The following TMPRSS15 variants were observed in gnomAD, a reference collection of about 807,000 sequenced individuals.
The protein encoded by TMPRSS15 is enteropeptidase.
TMPRSS15 carries 128 observed loss-of-function variants against 125.3 expected under a neutral mutation model. The ratio of observed to expected loss-of-function variants is 1.02; its 90% CI spans 0.89 to 1.18. The LOEUF (loss-of-function observed/expected upper bound fraction) is 1.18, where lower values mean the gene tolerates loss of function less well. Ranked by LOEUF, TMPRSS15 falls within the 50% of genes most tolerant of loss-of-function variation. TMPRSS15 has a pLI of 0.00. For synonymous variants in TMPRSS15, 446 were observed against 423.2 expected (o/e 1.05, Z -0.66); for missense variants, 1,283 against 1,212.7 (o/e 1.06, Z -0.86).
intron 4 of TMPRSS15, among the ~76,000 whole-genome samples, chr21:18,379,903 A>T (rs887205000): frequency 2.0e-5 from 3 of 152,124 alleles, no homozygotes; most frequent in Non-Finnish European, 4.4e-5. Flanking sequence ...AAAAAATAAG[A>T]CTTCAAGTCT....
At position 18,326,589 on chromosome 21, in the gene TMPRSS15, C is replaced by T. The variant is rs75388779; in HGVS notation, c.1781-17G>A. On this transcript the variant is annotated splice_polypyrimidine_tract_variant and intron_variant, in intron 15 of 24. Transcript: ENST00000284885. ...TGTACACAGCTGTTCCAAAGGAAAACGAGATAATCAGTGAGATGATCCTTT... is the reference window on the plus strand; with the variant it reads ...TGTACACAGCTGTTCCAAAGGAAAATGAGATAATCAGTGAGATGATCCTTT... The T allele has an allele frequency of 0.011, 17,622 of 1,613,830 alleles. 132 individuals carry two copies. The highest frequency in any genetic ancestry group is 0.019 in the Middle Eastern group (117 of 6,058).
At chr21:18,394,764 A>G (rs371683343) in intron 3 of TMPRSS15, among the ~76,000 whole-genome samples, 14 of 152,002 alleles carry the variant, frequency 9.2e-5, no homozygotes, top group African/African-American at 3.4e-4. Flanking sequence ...TAAATGATAA[A>G]AAAGCCCCTT....
intron 7 of TMPRSS15, among the ~76,000 whole-genome samples, chr21:18,360,865 C>T (rs944970204): frequency 7.9e-5 from 12 of 151,960 alleles, no homozygotes; most frequent in East Asian, 1.9e-4. Flanking sequence ...ACATCACTTT[C>T]GGTAGTATGA....
chr21:18,277,965 G>T (rs1035160627), intron 23 of TMPRSS15, among the ~76,000 whole-genome samples: 3 of 152,140 alleles, frequency 2.0e-5, no homozygotes, highest in African/African-American at 7.2e-5. Context: ...TCAAAAAAAA[G>T]TATGATTATT....
intron 10 of TMPRSS15, among the ~76,000 whole-genome samples, chr21:18,345,926 T>C (rs1056063773): frequency 6.6e-6 from 1 of 151,662 alleles, no homozygotes; most frequent in African/African-American, 2.4e-5. Context: ...GTTTTTCACT[T>C]AGTAAGCAGT....
intron 1 of TMPRSS15, among the ~76,000 whole-genome samples, chr21:18,421,019 AT>A (rs2076191065): frequency 1.3e-5 from 2 of 152,106 alleles, no homozygotes; most frequent in South Asian, 4.1e-4. Flanking sequence ...TGTACACTAC[AT>A]TTCTAAAAAG....
At chr21:18,387,643 ACACACACG>A (rs1237897883) in intron 3 of TMPRSS15, among the ~76,000 whole-genome samples, 3 of 146,398 alleles carry the variant, frequency 2.0e-5, no homozygotes, top group African/African-American at 8.0e-5. Context: ...ACACACACAC[ACACACACG>A]CACACACACC....
chr21:18,426,395 G>A (rs2076202628), intron 1 of TMPRSS15, among the ~76,000 whole-genome samples: 1 of 152,184 alleles, frequency 6.6e-6, no homozygotes, highest in Non-Finnish European at 1.5e-5. Flanking sequence ...ACTGTGATAT[G>A]TAAGAGAAGA....
At chr21:18,443,254 G>T (rs1469779670) in intron 1 of TMPRSS15, among the ~76,000 whole-genome samples, 2 of 152,204 alleles carry the variant, frequency 1.3e-5, no homozygotes, top group African/African-American at 2.4e-5. Context: ...AGGGGCTGGT[G>T]AACACTGACT....
chr21:18,381,282 T>G (rs2075890475), intron 4 of TMPRSS15, among the ~76,000 whole-genome samples: 1 of 152,122 alleles, frequency 6.6e-6, no homozygotes, highest in African/African-American at 2.4e-5. Context: ...CTATAAAACC[T>G]ATTGAAGTTT....
chr21:18,312,916 T>C, intron 18 of TMPRSS15, 29 bp downstream of exon 18: 1 of 1,612,344 alleles, frequency 6.2e-7, no homozygotes, highest in Non-Finnish European at 8.5e-7. Flanking sequence ...TGCAAATCTC[T>C]TAAAAAGGAA....
At chr21:18,473,700 G>C (rs1316719750) in intron 1 of TMPRSS15, among the ~76,000 whole-genome samples, 1 of 151,934 alleles carries the variant, frequency 6.6e-6, no homozygotes, top group Non-Finnish European at 1.5e-5. Context: ...AGGTAAAATT[G>C]GTTGTGCAAC....
intron 10 of TMPRSS15, among the ~76,000 whole-genome samples, chr21:18,344,901 A>G (rs183585015): frequency 1.4e-4 from 21 of 152,320 alleles, no homozygotes; most frequent in African/African-American, 4.6e-4. Context: ...ATTTTTTATG[A>G]GATGATGAAA....
chr21:18,330,908 T>C (rs2075338013), intron 14 of TMPRSS15, among the ~76,000 whole-genome samples: 2 of 151,772 alleles, frequency 1.3e-5, no homozygotes, highest in African/African-American at 4.8e-5. Flanking sequence ...CCGTCTCTAC[T>C]AAAAATACAA....
rs1235619873 is a variant in TMPRSS15 at position 18,345,740 on chromosome 21, C to CAAAAAAAAAAAAAAAAAAAA, written c.1172-1700_1172-1681dup. Among the ~76,000 whole-genome samples the CAAAAAAAAAAAAAAAAAAAA allele has an allele frequency of 4.5e-4, 7 of 15,560 alleles. 2 individuals are homozygous for CAAAAAAAAAAAAAAAAAAAA. The highest frequency in any genetic ancestry group is 5.5e-4 in the Non-Finnish European group (4 of 7,266). 10.2% of individuals were successfully genotyped at this position (15,560 alleles called of 152,430 possible). A position where few individuals can be genotyped will look rare whatever the true frequency, so the allele number is the denominator to read the frequency against. ...TAGGCGACAGAGTGAGACTCCGTCT[C>CAAAAAAAAAAAAAAAAAAAA]AAAAAAAAAAAAAAAAAAAAAATCC... On this transcript the variant is annotated intron_variant, in intron 10 of 24. Coordinates refer to ENST00000284885, the MANE Select transcript of TMPRSS15 (RefSeq NM_002772.3).
chr21:18,328,094 C>T (rs745945558), intron 15 of TMPRSS15, among the ~76,000 whole-genome samples: 1 of 152,046 alleles, frequency 6.6e-6, no homozygotes, highest in African/African-American at 2.4e-5. Context: ...AGTTAGATAA[C>T]ATATTAGCTA....
intron 16 of TMPRSS15, among the ~76,000 whole-genome samples, chr21:18,316,666 C>A (rs2075170427): frequency 6.6e-6 from 1 of 150,880 alleles, no homozygotes; most frequent in East Asian, 2.0e-4. Context: ...GATCTGGAGG[C>A]CGTTGGTGGT....
intron 1 of TMPRSS15, among the ~76,000 whole-genome samples, chr21:18,435,793 T>C (rs529255405): frequency 2.6e-5 from 4 of 152,346 alleles, no homozygotes; most frequent in South Asian, 4.1e-4. Context: ...CTATTGATTA[T>C]TGTCACAATT....
At chr21:18,352,761 T>C (rs1481383798) in intron 10 of TMPRSS15, 142 bp downstream of exon 10, 2 of 817,640 alleles carry the variant, frequency 2.4e-6, no homozygotes, top group Admixed American at 4.7e-5. Flanking sequence ...CCATTTTTCA[T>C]TTAATTAATT....
Sources: allele counts gnomAD v4.1 joint callset (sites outside exome capture counted in the v4.1 genomes callset), GRCh38; gene constraint gnomAD v4.1.1; transcripts MANE v1.5; gene names NCBI Gene and HGNC (gene_info 2026-07-23, HGNC 2026-07-21).